The following TRIOBP variants were observed in gnomAD, a reference collection of about 807,000 sequenced individuals.
TRIOBP encodes TRIO and F-actin-binding protein.
Under a neutral mutation model 238.8 loss-of-function variants are expected in TRIOBP, and 169 were observed. The ratio of observed to expected loss-of-function variants is 0.71; its 90% confidence interval spans 0.62 to 0.80. The LOEUF is 0.80. Among genes scored for constraint, TRIOBP ranks in the 30% least tolerant of loss-of-function variants. TRIOBP has a pLI of 0.00. For synonymous variants in TRIOBP, 1,150 were observed against 1,274.4 expected (o/e 0.90, Z 2.08); for missense variants, 2,838 against 3,122.6 (o/e 0.91, Z 2.17).
chr22:37,725,174 C>A lies in TRIOBP; in HGVS notation c.2618C>A (p.Thr873Asn). The change falls in exon 7 of 24, where the codon ACC (threonine) becomes AAC (asparagine). Residue 873 changes from threonine (T) to asparagine (N), a missense_variant. Physicochemically the swap from Thr to Asn is moderately conservative, Grantham distance 65. Around this residue, in one of 5 missense-constraint regions of TRIOBP, gnomAD observed 2,096 missense variants for 2,137.4 expected, o/e 0.98. Coordinates refer to ENST00000644935, the MANE Select transcript of TRIOBP (RefSeq NM_001039141.3). ...NPGTSSSQCC[T>N]QKENLRPSSP... is the part of the protein sequence containing the mutation. ...GGAACCTCCTCATCTCAATGCTGCACCCAAAAGGAGAATCTGAGACCATCA... is the reference window on the plus strand; with the variant it reads ...GGAACCTCCTCATCTCAATGCTGCAACCAAAAGGAGAATCTGAGACCATCA... The A allele has an allele frequency of 6.2e-7, 1 of 1,614,090 alleles. No individual in the cohort carries two copies. Among genetic ancestry groups the A allele is most frequent in the Non-Finnish European group, 8.5e-7 (1 of 1,179,986 alleles).
chr22:37,710,407 T>A lies in TRIOBP; in HGVS notation c.115-20T>A. On this transcript the variant is annotated intron_variant, in intron 3 of 23. Coordinates refer to ENST00000644935, the MANE Select transcript of TRIOBP (RefSeq NM_001039141.3). ...CCCACGTGGGCGCTGAGCTGTCTCC[T>A]CTCTCCAACCCTGGCCCAGGAGCTC... 6.2e-7 allele frequency: 1 copy of A among 1,612,932 alleles called. No homozygotes were observed. Among genetic ancestry groups the A allele is most frequent in the Admixed American group, 1.7e-5 (1 of 60,018 alleles).
At chr22:37,741,320 C>A (rs1359073766) in intron 11 of TRIOBP, among the ~76,000 whole-genome samples, 1 of 152,204 alleles carries the variant, frequency 6.6e-6, no homozygotes, top group Non-Finnish European at 1.5e-5. Context: ...CAGCCTCTCG[C>A]CAGCCCTGGG....
In TRIOBP at chr22:37,724,681, T is replaced by G. The variant is rs2145833716; in HGVS notation, c.2125T>G (p.Ser709Ala). ...SCAQRDDPRA[S>A]SPNRTTQQEN... ...TGCCCAACGGGACGATCCCAGAGCC[T>G]CCTCTCCTAACAGAACCACCCAACA... The change falls in exon 7 of 24, where the codon TCC becomes GCC. Residue 709 changes from serine to alanine, a missense_variant. By Grantham distance (99) the Ser-to-Ala change is moderately conservative. Coordinates refer to ENST00000644935, the MANE Select transcript of TRIOBP (RefSeq NM_001039141.3). 2 of 1,607,518 alleles carry G rather than the reference T, an allele frequency of 1.2e-6. No homozygotes were observed. Among genetic ancestry groups the G allele is most frequent in the East Asian group, 2.2e-5 (1 of 44,582 alleles).
intron 12 of TRIOBP, 68 bp from the exon 13 acceptor site, chr22:37,754,809 G>A: frequency 1.3e-6 from 2 of 1,519,422 alleles, no homozygotes; most frequent in Admixed American, 3.3e-5. Context: ...AGCATAGTGA[G>A]TTTGGCAGCC....
chr22:37,759,625 G>A (rs1926137757), intron 17 of TRIOBP: 6 of 1,540,900 alleles, frequency 3.9e-6, no homozygotes, highest in Non-Finnish European at 4.3e-6. Context: ...TAGTGGCCCC[G>A]AGAGTCACTC....
At chr22:37,710,322 C>G (rs532350335) in intron 3 of TRIOBP, 105 bp from the exon 4 acceptor site, 4 of 1,528,758 alleles carry the variant, frequency 2.6e-6, no homozygotes, top group South Asian at 2.3e-5. Flanking sequence ...CAGGATCCCC[C>G]GAGGAGATGC....
Position 37,742,257 on chromosome 22 carries a change from GT to G in TRIOBP, c.5322+1244del, listed in dbSNP as rs762341330. Reference sequence around the variant, plus strand: ...ATTGGTGTGAGCCACCACGCCAGGCGTTTTTTTTTTTTTTTTTTTAAATTAA... The same window carrying G: ...ATTGGTGTGAGCCACCACGCCAGGCGTTTTTTTTTTTTTTTTTTAAATTAA... On this transcript the variant is annotated intron_variant, in intron 11 of 23. Coordinates refer to ENST00000644935, the MANE Select transcript of TRIOBP (RefSeq NM_001039141.3). Among the ~76,000 whole-genome samples the G allele has an allele frequency of 3.9e-3, 403 of 102,754 alleles. 1 individual carries two copies. Among genetic ancestry groups the G allele is most frequent in the African/African-American group, 8.1e-3 (198 of 24,484 alleles). The allele number at this position is 102,754 out of a possible 152,430, so 67.4% of individuals were successfully genotyped here.
rs6519079 is a variant in TRIOBP, at chr22:37,729,516, A to G, written c.3947+3013A>G. Among the ~76,000 whole-genome samples the G allele has an allele frequency of 8.4e-3, 1,277 of 152,220 alleles. 7 individuals are homozygous for G. The highest frequency in any genetic ancestry group is 0.023 in the African/African-American group (945 of 41,532). On this transcript the variant is annotated intron_variant, in intron 7 of 23. Coordinates refer to ENST00000644935, the MANE Select transcript of TRIOBP (RefSeq NM_001039141.3). ...TTTTTATGATTACTATTTCTTGTCT[A>G]ATGTCAATTTTCCTAACTTTGTCTT...
At position 37,769,147 on chromosome 22, in the gene TRIOBP, G is replaced by A. The variant is rs1255449314; in HGVS notation, c.6695G>A (p.Arg2232His). The change falls in exon 20 of 24, where the codon CGC (arginine) becomes CAC (histidine). Residue 2232 changes from arginine to histidine, a missense_variant. By Grantham distance (29) the Arg-to-His change is conservative. Transcript: ENST00000644935. The stretch of plus-strand genomic sequence containing the variant: ...GAGGAGCGCGAGCACACGCTGCGCC[G>A]CTGCCAGCAGGAGGGCCAGGAGCTG... The part of the protein sequence containing the change: ...QAEEREHTLR[R>H]CQQEGQELLR... The A allele has an allele frequency of 5.6e-6, 9 of 1,611,668 alleles. No individual in the cohort carries two copies. Among genetic ancestry groups the A allele is most frequent in the Admixed American group, 3.3e-5 (2 of 59,828 alleles).
rs1237978412 is a variant in TRIOBP at position 37,751,639 on chromosome 22, G to T, written c.5323-133G>T. The T allele has an allele frequency of 4.1e-5, 39 of 962,732 alleles. 1 individual carries two copies. In the Admixed American group the frequency reaches 7.4e-4, roughly 18 times the overall value. 59.6% of individuals were successfully genotyped at this position (962,732 alleles called of 1,614,324 possible). A position where few individuals can be genotyped will look rare whatever the true frequency, so the allele number is the denominator to read the frequency against. On this transcript the variant is annotated intron_variant, in intron 11 of 23. Transcript: ENST00000644935. ...GACTTGGGGGTTACCTAGGGCCTTA[G>T]CCCTCTTGGCTGGCTTCCCAGGAGC... is the stretch of plus-strand genomic sequence containing the variant.
At chr22:37,772,191 C>T (rs1367051864) in intron 22 of TRIOBP, among the ~76,000 whole-genome samples, 3 of 152,136 alleles carry the variant, frequency 2.0e-5, no homozygotes, top group Non-Finnish European at 4.4e-5. Context: ...CTGCCTGGTG[C>T]GCTCTGTCAG....
At chr22:37,750,819 G>A (rs1925551042) in intron 11 of TRIOBP, 3 of 452,204 alleles carry the variant, frequency 6.6e-6, no homozygotes, top group South Asian at 3.2e-5. Context: ...GTGGTTTCCA[G>A]CTGCCACTGT....
chr22:37,752,551 G>C (rs1925674016), intron 12 of TRIOBP, among the ~76,000 whole-genome samples: 1 of 152,188 alleles, frequency 6.6e-6, no homozygotes, highest in African/African-American at 2.4e-5. Context: ...CTGCTGCTCT[G>C]GTCTGCGTGC....
Position 37,726,355 on chromosome 22 carries a change from C to G in TRIOBP, c.3799C>G (p.Arg1267Gly), listed in dbSNP as rs200015964. The G allele has an allele frequency of 1.9e-6, 3 of 1,608,222 alleles. No individual in the cohort carries two copies. In the Admixed American group the frequency reaches 5.1e-5, roughly 27 times the overall value. Residue 1267 changes from arginine to glycine, a missense_variant, in exon 7 of 24, where the codon CGG becomes GGG. Physicochemically the swap from Arg to Gly is moderately radical, Grantham distance 125. Coordinates refer to ENST00000644935, the MANE Select transcript of TRIOBP (RefSeq NM_001039141.3). ...CGGGGAGACCAGGCACAACTTGGAG[C>G]GGGAGGAGTACACTGTGCTGGCCGA... Reference protein sequence around the residue: ...PPGETRHNLEREEYTVLADLP... With the variant: ...PPGETRHNLEGEEYTVLADLP...
rs187460114 is a variant in TRIOBP, at chr22:37,747,336, T to C, written c.5323-4436T>C. On this transcript the variant is annotated intron_variant, in intron 11 of 23. Coordinates refer to ENST00000644935, the MANE Select transcript of TRIOBP (RefSeq NM_001039141.3). ...GGGGCTGCTTTTGGTTTCTGGCTAG[T>C]GCTTCAGGGAGGCTCTGACAGCCCA... is the stretch of plus-strand genomic sequence containing the variant. 5.9e-3 allele frequency among the ~76,000 whole-genome samples: 905 copies of C among 152,288 alleles called. 5 individuals are homozygous for C. Among genetic ancestry groups the C allele is most frequent in the Middle Eastern group, 0.017 (5 of 294 alleles).
intron 11 of TRIOBP, among the ~76,000 whole-genome samples, chr22:37,746,040 C>CCCGCCCCGCCGCCCCGCCGCCCCG (rs1569051546): frequency 1.2e-5 from 1 of 83,246 alleles, no homozygotes; most frequent in African/African-American, 3.0e-5. Context: ...GCCCCATCCG[C>CCCGCCCCGCCGCCCCGCCGCCCCG]CCACCCCGCC....
In TRIOBP at chr22:37,769,057, T is replaced by G. The variant is rs1352784200; in HGVS notation, c.6605T>G (p.Leu2202Arg). 1 of 1,613,444 alleles carries G rather than the reference T, an allele frequency of 6.2e-7. No individual in the cohort carries two copies. The highest frequency in any genetic ancestry group is 1.3e-5 in the African/African-American group (1 of 74,946). The stretch of plus-strand genomic sequence containing the variant: ...GATGTGGAGGCACTGAAGCGAGAGC[T>G]GCAGGTGCTATCGGAGCAGTACTCG... ...QSDVEALKRELQVLSEQYSQK... is the reference protein window; with the variant it reads ...QSDVEALKRERQVLSEQYSQK... Residue 2202 changes from leucine (L) to arginine (R), a missense_variant, in exon 20 of 24, where the codon CTG becomes CGG. Around this residue, in one of 5 missense-constraint regions of TRIOBP, gnomAD observed 2,096 missense variants for 2,137.4 expected, o/e 0.98. Coordinates refer to ENST00000644935, the MANE Select transcript of TRIOBP (RefSeq NM_001039141.3).
intron 6 of TRIOBP, among the ~76,000 whole-genome samples, chr22:37,717,734 G>A (rs1049588227): frequency 2.0e-5 from 3 of 152,316 alleles, no homozygotes; most frequent in African/African-American, 7.2e-5. Flanking sequence ...TAGACATAAA[G>A]GTTCTCCAAG....
chr22:37,755,095 C>T lies in TRIOBP; in HGVS notation c.5488-6C>T, dbSNP rs766568794. 2 of 1,595,812 alleles carry T rather than the reference C, an allele frequency of 1.3e-6. No homozygotes were observed. Among genetic ancestry groups the T allele is most frequent in the Non-Finnish European group, 1.7e-6 (2 of 1,171,724 alleles). ...ACACGGACCATAGTGGGCCCTCTTG[C>T]TCCAGGCAGATGAGCTGGATGGTGA... On this transcript the variant is annotated splice_polypyrimidine_tract_variant and splice_region_variant and intron_variant, in intron 13 of 23. Coordinates refer to ENST00000644935, the MANE Select transcript of TRIOBP (RefSeq NM_001039141.3).
Sources: allele counts gnomAD v4.1 joint callset (sites outside exome capture counted in the v4.1 genomes callset), GRCh38; gene constraint gnomAD v4.1.1; regional missense constraint gnomAD v4.1.1; transcripts MANE v1.5; gene names NCBI Gene and HGNC (gene_info 2026-07-23, HGNC 2026-07-21).